QTGAL: variants seen among roughly 807,000 people sequenced by gnomAD.
The protein encoded by QTGAL is queuosine-tRNA galactosyltransferase, also known as BGnT-like protein 1.
At chr17:83,049,418 T>G in the QTGAL span, among the ~76,000 whole-genome samples, 2 of 150,792 alleles carry the variant, frequency 1.3e-5, no homozygotes, top group Non-Finnish European at 3.0e-5. Context: ...GTTGGTTTTT[T>G]TTTTTTTTTT....
At chr17:83,007,594 G>A in the QTGAL span, among the ~76,000 whole-genome samples, 2 of 151,940 alleles carry the variant, frequency 1.3e-5, no homozygotes, top group Non-Finnish European at 2.9e-5. Flanking sequence ...GTGAGTACAC[G>A]CCAGCCCACT....
the QTGAL span, among the ~76,000 whole-genome samples, chr17:82,964,026 GTC>G: frequency 5.8e-3 from 602 of 103,230 alleles, 5 homozygotes; most frequent in African/African-American, 0.021. Flanking sequence ...GAAGGCTGAG[GTC>G]GGGGGGGTGG....
At chr17:82,984,013 ACG>A in the QTGAL span, among the ~76,000 whole-genome samples, 4,919 of 144,286 alleles carry the variant, frequency 0.034, 1 homozygote, top group East Asian at 0.045. Flanking sequence ...CCACGTGAGG[ACG>A]TGGGGGAGGG....
the QTGAL span, among the ~76,000 whole-genome samples, chr17:82,991,685 T>C: frequency 0.012 from 1,848 of 152,212 alleles, 42 homozygotes; most frequent in African/African-American, 0.042. Context: ...AAGACCATCC[T>C]GGAAAACATG....
the QTGAL span, among the ~76,000 whole-genome samples, chr17:83,029,752 G>A: frequency 1.8e-4 from 27 of 152,192 alleles, no homozygotes; most frequent in Admixed American, 2.6e-4. Context: ...CCAGATCCTC[G>A]GCTGAGAGGA....
At chr17:83,038,998 G>T in the QTGAL span, among the ~76,000 whole-genome samples, 5 of 151,798 alleles carry the variant, frequency 3.3e-5, 1 homozygote, top group African/African-American at 9.6e-5. Context: ...ACCAACGAAA[G>T]ATAATGAAAA....
chr17:83,034,353 T>C, the QTGAL span, among the ~76,000 whole-genome samples: 22 of 152,282 alleles, frequency 1.4e-4, no homozygotes, highest in Non-Finnish European at 2.6e-4. Context: ...CATCGCTCTC[T>C]GCTGTGCAAT....
chr17:83,007,294 C>T, the QTGAL span: 3 of 985,066 alleles, frequency 3.0e-6, no homozygotes, highest in Admixed American at 1.2e-4. Flanking sequence ...AGCGAGTTTT[C>T]CCCACACCCA....
the QTGAL span, among the ~76,000 whole-genome samples, chr17:83,031,238 C>A: frequency 6.6e-6 from 1 of 152,338 alleles, no homozygotes; most frequent in South Asian, 2.1e-4. Context: ...GTAAACTCAG[C>A]GACGGCCGCC....
At chr17:83,045,586 GTCT>G in the QTGAL span, among the ~76,000 whole-genome samples, 2 of 152,108 alleles carry the variant, frequency 1.3e-5, no homozygotes, top group African/African-American at 4.8e-5. Flanking sequence ...TTAGATTTTT[GTCT>G]TCATCAAAAT....
the QTGAL span, chr17:83,007,274 C>T: frequency 3.1e-5 from 31 of 985,234 alleles, no homozygotes; most frequent in South Asian, 1.9e-4. Context: ...CTGGAGCCGC[C>T]GCCCTGCCCA....
At chr17:83,048,968 C>A in the QTGAL span, 1 of 597,968 alleles carries the variant, frequency 1.7e-6, no homozygotes, top group African/African-American at 1.9e-5. Flanking sequence ...CCTGAACTGC[C>A]TTCTACATGT....
chr17:82,968,774 C>T, the QTGAL span, among the ~76,000 whole-genome samples: 6 of 152,000 alleles, frequency 3.9e-5, no homozygotes. Flanking sequence ...CTGAGGCGGG[C>T]GGATCACTTG....
At chr17:83,023,287 G>A in the QTGAL span, among the ~76,000 whole-genome samples, 1,340 of 107,310 alleles carry the variant, frequency 0.012, 3 homozygotes, top group African/African-American at 0.053. Context: ...CTGCACCAGC[G>A]TGAACTCACA....
chr17:82,980,348 A>C, the QTGAL span, among the ~76,000 whole-genome samples: 1 of 152,288 alleles, frequency 6.6e-6, no homozygotes, highest in East Asian at 1.9e-4. Flanking sequence ...TCCATACACC[A>C]AGCAAACCAT....
the QTGAL span, among the ~76,000 whole-genome samples, chr17:82,970,597 C>CTCTGCACAT: frequency 8.4e-6 from 1 of 118,762 alleles, no homozygotes; most frequent in African/African-American, 5.7e-5. Flanking sequence ...CCTCCGCACC[C>CTCTGCACAT]GGCGTGGCCG....
the QTGAL span, among the ~76,000 whole-genome samples, chr17:83,019,704 A>G: frequency 6.6e-6 from 1 of 152,212 alleles, no homozygotes; most frequent in African/African-American, 2.4e-5. Context: ...CCACACACAA[A>G]AACTAAAAGA....
the QTGAL span, chr17:82,957,045 G>T: frequency 7.9e-7 from 1 of 1,266,142 alleles, no homozygotes; most frequent in Non-Finnish European, 1.1e-6. Flanking sequence ...AAGAATGGGG[G>T]CTGGGCTCCC....
At chr17:82,954,267 C>G in the QTGAL span, among the ~76,000 whole-genome samples, 1 of 152,110 alleles carries the variant, frequency 6.6e-6, no homozygotes, top group African/African-American at 2.4e-5. Context: ...CCCAAAAACT[C>G]CTTAAGCTGA....
Sources: gnomAD v4.1 joint callset for allele counts (sites outside exome capture counted in the v4.1 genomes callset) on GRCh38, gnomAD v4.1.1 for gene constraint, MANE v1.5 for transcripts, NCBI Gene and HGNC (gene_info 2026-07-23, HGNC 2026-07-21) for gene names.